Variants in PDE7B observed in about 807,000 individuals in gnomAD.
PDE7B encodes 3',5'-cyclic-AMP phosphodiesterase 7B.
A neutral mutation model predicts 56.2 loss-of-function variants in PDE7B; 29 were observed. That is an observed-to-expected ratio of 0.52 (90% CI 0.38 to 0.70). The LOEUF is 0.70. Ranked by LOEUF, PDE7B falls within the 30% of genes least tolerant of loss-of-function variation. The probability of loss-of-function intolerance (pLI) is 0.00; values close to 1 mark genes in which losing one functional copy is unlikely to be tolerated. For synonymous variants in PDE7B, 197 were observed against 196.9 expected (o/e 1.00, Z 0.00); for missense variants, 490 against 565.0 (o/e 0.87, Z 1.35).
intron 2 of PDE7B, among the ~76,000 whole-genome samples, chr6:135,951,728 A>AT (rs938344345): frequency 2.2e-4 from 34 of 151,910 alleles, no homozygotes; most frequent in African/African-American, 7.5e-4. Flanking sequence ...TCAAGGTTTA[A>AT]TTTTTTTAAT....
intron 8 of PDE7B, among the ~76,000 whole-genome samples, chr6:136,172,250 A>T (rs1219186475): frequency 6.6e-6 from 1 of 152,174 alleles, no homozygotes; most frequent in East Asian, 1.9e-4. Context: ...TTACAGTCCC[A>T]CCAACAGTGT....
At chr6:135,904,186 C>A (rs1776055940) in intron 1 of PDE7B, among the ~76,000 whole-genome samples, 1 of 152,112 alleles carries the variant, frequency 6.6e-6, no homozygotes, top group African/African-American at 2.4e-5. Flanking sequence ...ATTTTCTTTG[C>A]CAAAGACTAA....
chr6:136,023,581 G>T (rs1201822433), intron 2 of PDE7B, among the ~76,000 whole-genome samples: 2 of 152,142 alleles, frequency 1.3e-5, no homozygotes, highest in Non-Finnish European at 2.9e-5. Flanking sequence ...CCTTCGAGCA[G>T]AGCATCTTTC....
At chr6:136,185,739 TG>T (rs1487353560) in intron 11 of PDE7B, among the ~76,000 whole-genome samples, 2 of 152,248 alleles carry the variant, frequency 1.3e-5, no homozygotes, top group East Asian at 3.9e-4. Context: ...CACTCTAGCC[TG>T]GGTGACAGAG....
chr6:135,857,064 C>G (rs12199674), intron 1 of PDE7B, among the ~76,000 whole-genome samples: 1 of 113,392 alleles, frequency 8.8e-6, no homozygotes, highest in African/African-American at 3.2e-5. Context: ...CTTCCTTCCT[C>G]CCTTCCTTCC....
intron 2 of PDE7B, chr6:136,096,162 A>C (rs568920731): frequency 6.6e-6 from 1 of 152,376 alleles, no homozygotes; most frequent in Middle Eastern, 3.4e-3. Flanking sequence ...GTGGTGGTTG[A>C]CTGGTCCTTC....
intron 11 of PDE7B, among the ~76,000 whole-genome samples, chr6:136,184,451 T>C (rs1406930919): frequency 6.6e-6 from 1 of 152,148 alleles, no homozygotes; most frequent in Non-Finnish European, 1.5e-5. Flanking sequence ...AAATTTAAAT[T>C]AAAAGTTAAT....
chr6:136,173,168 C>T (rs1408982346), intron 8 of PDE7B, among the ~76,000 whole-genome samples: 5 of 152,072 alleles, frequency 3.3e-5, no homozygotes, highest in East Asian at 1.9e-4. Flanking sequence ...AAGTTCATAT[C>T]GAACCAAAAA....
At chr6:136,129,070 A>ACTGGAG (rs1369937760) in intron 3 of PDE7B, among the ~76,000 whole-genome samples, 9 of 152,170 alleles carry the variant, frequency 5.9e-5, no homozygotes, top group African/African-American at 9.6e-5. Flanking sequence ...TTGCATTCTG[A>ACTGGAG]CTGGAGCTGT....
In PDE7B at chr6:135,934,162, A is replaced by G. The variant is rs377332149; in HGVS notation, c.22-13302A>G. On this transcript the variant is annotated intron_variant, in intron 1 of 12. Coordinates refer to ENST00000308191, the MANE Select transcript of PDE7B (RefSeq NM_018945.4). Reference sequence around the variant, plus strand: ...GAAGCCTACAGAGGGTCTTGAAGCAATAAAGTAATTTGAATGAAAACTACA... The same window carrying G: ...GAAGCCTACAGAGGGTCTTGAAGCAGTAAAGTAATTTGAATGAAAACTACA... Among the ~76,000 whole-genome samples the G allele has an allele frequency of 1.1e-4, 16 of 152,300 alleles. 1 individual carries two copies. The highest frequency in any genetic ancestry group is 7.7e-4 in the East Asian group (4 of 5,186).
At chr6:136,082,343 C>T (rs919963780) in intron 2 of PDE7B, among the ~76,000 whole-genome samples, 1 of 152,138 alleles carries the variant, frequency 6.6e-6, no homozygotes, top group African/African-American at 2.4e-5. Flanking sequence ...CAAACAGTCC[C>T]TGTTGGAGAG....
intron 8 of PDE7B, among the ~76,000 whole-genome samples, chr6:136,171,833 T>A (rs1340983185): frequency 1.5e-5 from 2 of 136,990 alleles, no homozygotes; most frequent in Non-Finnish European, 3.1e-5. Flanking sequence ...TTCCCCTTCC[T>A]GTGTCCATGT....
At chr6:135,933,549 A>G (rs1774330514) in intron 1 of PDE7B, among the ~76,000 whole-genome samples, 1 of 152,192 alleles carries the variant, frequency 6.6e-6, no homozygotes, top group Non-Finnish European at 1.5e-5. Flanking sequence ...AAATTGGTCT[A>G]TATGTGTTGC....
At chr6:136,019,720 G>A (rs2128207971) in intron 2 of PDE7B, among the ~76,000 whole-genome samples, 1 of 152,270 alleles carries the variant, frequency 6.6e-6, no homozygotes, top group South Asian at 2.1e-4. Flanking sequence ...CAATAGTCAA[G>A]TAACATGTAT....
chr6:136,174,712 T>C (rs1778948938), intron 9 of PDE7B, among the ~76,000 whole-genome samples: 1 of 152,152 alleles, frequency 6.6e-6, no homozygotes, highest in African/African-American at 2.4e-5. Context: ...CAGTATACTC[T>C]GGGTTGTGGA....
intron 1 of PDE7B, among the ~76,000 whole-genome samples, chr6:135,853,375 T>A (rs1774970173): frequency 6.6e-6 from 1 of 152,218 alleles, no homozygotes; most frequent in Non-Finnish European, 1.5e-5. Flanking sequence ...GTGCCGTGAA[T>A]GGACAATTGC....
At chr6:135,957,732 T>C (rs1028946838) in intron 2 of PDE7B, among the ~76,000 whole-genome samples, 1 of 152,084 alleles carries the variant, frequency 6.6e-6, no homozygotes, top group Non-Finnish European at 1.5e-5. Flanking sequence ...GTAGACAAAA[T>C]GTCTAAGGTT....
chr6:135,979,141 G>A (rs1264008333), intron 2 of PDE7B, among the ~76,000 whole-genome samples: 1 of 151,626 alleles, frequency 6.6e-6, no homozygotes, highest in African/African-American at 2.4e-5. Flanking sequence ...TAATCATGTG[G>A]TTTTTGTCTT....
At chr6:136,095,741 T>G (rs1292499614) in intron 2 of PDE7B, 1 of 152,210 alleles carries the variant, frequency 6.6e-6, no homozygotes, top group Non-Finnish European at 1.5e-5. Context: ...GTCTCCATAC[T>G]CACTGGCCAT....
Sources: allele counts gnomAD v4.1 joint callset (sites outside exome capture counted in the v4.1 genomes callset), GRCh38; gene constraint gnomAD v4.1.1; transcripts MANE v1.5; gene names NCBI Gene and HGNC (gene_info 2026-07-23, HGNC 2026-07-21).